Variants in ROBO1 observed in about 807,000 individuals in gnomAD.
ROBO1 encodes the protein roundabout homolog 1.
ROBO1 carries 149 observed loss-of-function variants against 195.9 expected under a neutral mutation model. That is an observed-to-expected ratio of 0.76 (90% CI 0.67 to 0.87). ROBO1 has a LOEUF of 0.87. Ranked by LOEUF, ROBO1 falls within the 40% of genes least tolerant of loss-of-function variation. The pLI, the probability that ROBO1 is intolerant of heterozygous loss-of-function variation, is 0.00. For synonymous variants in ROBO1, 816 were observed against 733.2 expected (o/e 1.11, Z -1.82); for missense variants, 1,933 against 2,068.3 (o/e 0.93, Z 1.27).
chr3:79,626,840 C>A lies in ROBO1; in HGVS notation c.-50-36879G>T, dbSNP rs563186320. On this transcript the variant is annotated intron_variant, in intron 1 of 30. Transcript: ENST00000464233. ...AAAACAAATGTGCAAAAGTCACAAG[C>A]ATTCCTTTATGCCAACAACAGACAA... is the stretch of plus-strand genomic sequence containing the variant. 2.4e-4 allele frequency among the ~76,000 whole-genome samples: 37 copies of A among 152,116 alleles called. 1 individual carries two copies. The highest frequency in any genetic ancestry group is 8.9e-4 in the African/African-American group (37 of 41,426).
chr3:79,697,060 A>G (rs1252653328), intron 1 of ROBO1, among the ~76,000 whole-genome samples: 1 of 151,374 alleles, frequency 6.6e-6, no homozygotes, highest in Non-Finnish European at 1.5e-5. Context: ...AAAGAAAGGT[A>G]GCATGCAAAA....
At chr3:79,277,131 GA>G (rs938679781) in intron 2 of ROBO1, among the ~76,000 whole-genome samples, 1 of 151,640 alleles carries the variant, frequency 6.6e-6, no homozygotes, top group African/African-American at 2.4e-5. Context: ...ATACCCAAAA[GA>G]AAAAAAATTT....
chr3:79,027,686 C>T (rs1273242516), intron 3 of ROBO1, among the ~76,000 whole-genome samples: 2 of 152,026 alleles, frequency 1.3e-5, no homozygotes, highest in Non-Finnish European at 1.5e-5. Flanking sequence ...GACATCCTGG[C>T]CACATTCCAA....
At chr3:79,019,166 G>A (rs1384802995) in intron 3 of ROBO1, 2 of 986,576 alleles carry the variant, frequency 2.0e-6, no homozygotes, top group Non-Finnish European at 2.4e-6. Context: ...CGTCTTCTGG[G>A]CGCCCCCAGC....
At chr3:78,929,914 C>G (rs1205760123) in intron 4 of ROBO1, among the ~76,000 whole-genome samples, 1 of 152,096 alleles carries the variant, frequency 6.6e-6, no homozygotes, top group Non-Finnish European at 1.5e-5. Flanking sequence ...GGTCACTACA[C>G]TTAGAAAGAC....
At chr3:79,190,271 G>T (rs964879105) in intron 2 of ROBO1, among the ~76,000 whole-genome samples, 1 of 151,586 alleles carries the variant, frequency 6.6e-6, no homozygotes, top group East Asian at 1.9e-4. Context: ...TGTTGTCTAG[G>T]AGAACTTTCT....
chr3:79,041,054 C>T (rs1239807216), intron 3 of ROBO1, among the ~76,000 whole-genome samples: 5 of 152,118 alleles, frequency 3.3e-5, no homozygotes, highest in Admixed American at 6.6e-5. Context: ...GCTGGGGACA[C>T]GTCTTTCCTT....
chr3:79,696,119 T>C (rs1201671064), intron 1 of ROBO1, among the ~76,000 whole-genome samples: 1 of 151,438 alleles, frequency 6.6e-6, no homozygotes, highest in Admixed American at 6.6e-5. Flanking sequence ...GTTTGTGGGA[T>C]ATATTGATAA....
chr3:79,165,661 C>T (rs1012325111), intron 2 of ROBO1, among the ~76,000 whole-genome samples: 1 of 151,978 alleles, frequency 6.6e-6, no homozygotes, highest in African/African-American at 2.4e-5. Context: ...CAAGTTTTAC[C>T]CTAAAGAAAT....
intron 21 of ROBO1, among the ~76,000 whole-genome samples, chr3:78,642,754 T>C (rs1467703755): frequency 6.6e-6 from 1 of 152,188 alleles, no homozygotes; most frequent in Non-Finnish European, 1.5e-5. Context: ...TTTGCCCTTT[T>C]TAAGTTGGGA....
intron 4 of ROBO1, among the ~76,000 whole-genome samples, chr3:78,826,962 T>A (rs1286863789): frequency 6.6e-6 from 1 of 152,196 alleles, no homozygotes; most frequent in African/African-American, 2.4e-5. Flanking sequence ...TTTTAACATA[T>A]GATTTTGCAT....
intron 2 of ROBO1, among the ~76,000 whole-genome samples, chr3:79,568,508 A>ATTT (rs377490411): frequency 6.8e-6 from 1 of 148,108 alleles, no homozygotes; most frequent in East Asian, 2.0e-4. Context: ...GATTGATTGA[A>ATTT]TTTTTTTCTT....
At chr3:78,960,087 G>A (rs1440513165) in intron 3 of ROBO1, among the ~76,000 whole-genome samples, 2 of 151,960 alleles carry the variant, frequency 1.3e-5, no homozygotes, top group African/African-American at 4.8e-5. Context: ...ATTACTTGAG[G>A]CCAGGAATTC....
intron 2 of ROBO1, among the ~76,000 whole-genome samples, chr3:79,587,248 G>T (rs762824595): frequency 2.6e-5 from 4 of 151,772 alleles, no homozygotes; most frequent in Non-Finnish European, 5.9e-5. Context: ...ATTGAGCTGG[G>T]CAATCCATCA....
Position 79,596,386 on chromosome 3 carries a change from G to A in ROBO1, c.-50-6425C>T, listed in dbSNP as rs552366863. ...TGACACAAGGAAGTAGCCAAAGTGG[G>A]AAGAGGATCAGGCTTGAGCTAGGCT... is the stretch of plus-strand genomic sequence containing the variant. On this transcript the variant is annotated intron_variant, in intron 1 of 30. Coordinates refer to ENST00000464233, the MANE Select transcript of ROBO1 (RefSeq NM_002941.4). 6.6e-5 allele frequency among the ~76,000 whole-genome samples: 10 copies of A among 152,084 alleles called. No individual in the cohort carries two copies. The South Asian group carries it at 1.7e-3, about 25-fold the overall frequency.
At chr3:78,695,469 CAA>C (rs1458207191) in intron 8 of ROBO1, among the ~76,000 whole-genome samples, 1 of 151,490 alleles carries the variant, frequency 6.6e-6, no homozygotes, top group Admixed American at 6.6e-5. Flanking sequence ...ACTAAAATTA[CAA>C]AAAGTTACCC....
At chr3:78,931,177 T>A (rs938010660) in intron 4 of ROBO1, among the ~76,000 whole-genome samples, 39 of 151,992 alleles carry the variant, frequency 2.6e-4, no homozygotes, top group African/African-American at 9.4e-4. Context: ...TATTTTGGTA[T>A]TCTTCACATT....
chr3:79,196,568 G>C (rs1214415033), intron 2 of ROBO1, among the ~76,000 whole-genome samples: 1 of 151,716 alleles, frequency 6.6e-6, no homozygotes, highest in African/African-American at 2.4e-5. Context: ...GACTACAATG[G>C]CTACCCAATT....
At chr3:78,814,975 T>A (rs901951750) in intron 4 of ROBO1, among the ~76,000 whole-genome samples, 18 of 152,158 alleles carry the variant, frequency 1.2e-4, no homozygotes, top group African/African-American at 4.3e-4. Flanking sequence ...TGATCTGTGA[T>A]CAGTGTTCTT....
Sources: allele counts gnomAD v4.1 joint callset (sites outside exome capture counted in the v4.1 genomes callset), GRCh38; gene constraint gnomAD v4.1.1; transcripts MANE v1.5; gene names NCBI Gene and HGNC (gene_info 2026-07-23, HGNC 2026-07-21).